The following AIM2 variants were observed in gnomAD, a reference collection of about 807,000 sequenced individuals.
AIM2 encodes absent in melanoma 2, also known as interferon-inducible protein AIM2.
AIM2 carries 30 observed loss-of-function variants against 27.7 expected under a neutral mutation model. That is an observed-to-expected ratio of 1.08 (90% CI 0.81 to 1.47). AIM2 has a LOEUF of 1.47. AIM2 is among the 40% of genes most tolerant of loss of function. The pLI, the probability that AIM2 is intolerant of heterozygous loss-of-function variation, is 0.00. For missense variants in AIM2, 358 were observed against 411.3 expected, an observed-to-expected ratio of 0.87 and a Z score of 1.12; for synonymous variants, 141 against 145.3, an observed-to-expected ratio of 0.97 and a Z score of 0.21.
intron 1 of AIM2, among the ~76,000 whole-genome samples, chr1:159,112,369 C>A (rs1050223423): frequency 1.3e-5 from 2 of 152,056 alleles, no homozygotes; most frequent in African/African-American, 4.8e-5. Context: ...CATTAGGCAC[C>A]AAAGCAATAT....
intron 1 of AIM2, among the ~76,000 whole-genome samples, chr1:159,127,098 T>C (rs970551190): frequency 1.3e-5 from 2 of 152,210 alleles, no homozygotes; most frequent in African/African-American, 4.8e-5. Flanking sequence ...CAGGGGATGA[T>C]TGGTTACCTA....
In AIM2 at chr1:159,130,952, T is replaced by C. The variant is rs1467241771; in HGVS notation, c.-16+9479A>G. ...CCACAATCTGGCTCTCGGCATTAGA[T>C]GTCAGTCTCACAGACTGCCTGGAGT... On this transcript the variant is annotated intron_variant, in intron 1 of 2. Transcript: ENST00000368129. Among the ~76,000 whole-genome samples the C allele has an allele frequency of 2.6e-5, 4 of 152,266 alleles. No homozygotes were observed. In the South Asian group the frequency reaches 6.2e-4, roughly 24 times the overall value.
intron 1 of AIM2, among the ~76,000 whole-genome samples, chr1:159,121,249 T>G (rs1176265130): frequency 6.6e-6 from 1 of 152,196 alleles, no homozygotes; most frequent in African/African-American, 2.4e-5. Flanking sequence ...AAACCATGTT[T>G]TCAATTCCAG....
intron 1 of AIM2, among the ~76,000 whole-genome samples, chr1:159,120,494 A>G (rs1171855139): frequency 6.6e-6 from 1 of 152,090 alleles, no homozygotes; most frequent in Non-Finnish European, 1.5e-5. Context: ...TTTGCTCCTA[A>G]ACTGTCGTCT....
chr1:159,058,052 GT>G (rs1339413560), downstream of AIM2, among the ~76,000 whole-genome samples: 4 of 152,124 alleles, frequency 2.6e-5, no homozygotes, highest in African/African-American at 9.7e-5. Context: ...TCTTGGACCT[GT>G]TAGAAAGTGA....
chr1:159,060,179 T>A (rs1277556193), downstream of AIM2, among the ~76,000 whole-genome samples: 1 of 152,232 alleles, frequency 6.6e-6, no homozygotes, highest in Non-Finnish European at 1.5e-5. Flanking sequence ...CTAACACTTC[T>A]GAGGACATTT....
At chr1:159,119,243 T>G (rs1448310530) in intron 1 of AIM2, among the ~76,000 whole-genome samples, 2 of 151,958 alleles carry the variant, frequency 1.3e-5, no homozygotes, top group Non-Finnish European at 2.9e-5. Context: ...TTTGAGGTTG[T>G]TTGTTACTGC....
At chr1:159,132,321 T>G (rs552460321) in intron 1 of AIM2, 1 of 152,016 alleles carries the variant, frequency 6.6e-6, no homozygotes, top group Non-Finnish European at 1.5e-5. Flanking sequence ...TCAGTGGAGA[T>G]TGCAGTGAGC....
chr1:159,076,549 T>C (rs921744606), intron 1 of AIM2, 84 bp downstream of exon 1: 1 of 152,312 alleles, frequency 6.6e-6, no homozygotes, highest in Non-Finnish European at 1.5e-5. Context: ...GTGCACAGCA[T>C]GGCTGGCCTT....
upstream of AIM2, among the ~76,000 whole-genome samples, chr1:159,143,328 A>G (rs1648146776): frequency 6.6e-6 from 1 of 152,152 alleles, no homozygotes; most frequent in East Asian, 1.9e-4. Context: ...TACGACCTAG[A>G]GATGGGAGCT....
In AIM2 at chr1:159,068,604, C is replaced by T; in HGVS notation, c.360G>A (p.Lys120=). The T allele has an allele frequency of 6.2e-7, 1 of 1,613,878 alleles. No individual in the cohort carries two copies. The highest frequency in any genetic ancestry group is 8.5e-7 in the Non-Finnish European group (1 of 1,179,870). The change falls in exon 3 of 6, where the codon AAG becomes AAA. Residue 120 remains lysine, a synonymous_variant. Transcript: ENST00000368130. ...ASAAIRNDVA[K]QRAAPKVSPH... ...GAGAGACTTTTGGTGCAGCACGTTG[C>T]TTTGCGACATCATTTCTGATGGCTG... is the stretch of plus-strand genomic sequence containing the variant.
intron 1 of AIM2, among the ~76,000 whole-genome samples, chr1:159,129,525 A>G (rs1233773606): frequency 6.6e-6 from 1 of 152,168 alleles, no homozygotes; most frequent in Non-Finnish European, 1.5e-5. Context: ...CTGGGTATCA[A>G]TGCTGTCTCC....
chr1:159,090,968 C>CT (rs1171559554), intron 1 of AIM2, among the ~76,000 whole-genome samples: 1 of 152,168 alleles, frequency 6.6e-6, no homozygotes, highest in Non-Finnish European at 1.5e-5. Flanking sequence ...TCCTGGTATT[C>CT]TTCTTCCTGA....
At chr1:159,103,312 C>T (rs1423537373) in intron 1 of AIM2, among the ~76,000 whole-genome samples, 5 of 152,188 alleles carry the variant, frequency 3.3e-5, no homozygotes, top group Non-Finnish European at 7.4e-5. Context: ...TTATAAATTA[C>T]CCAATCTTGG....
chr1:159,108,210 C>G (rs975413967), intron 1 of AIM2, among the ~76,000 whole-genome samples: 1 of 152,126 alleles, frequency 6.6e-6, no homozygotes. Flanking sequence ...ACACCACGTT[C>G]AAGTGGGTTT....
At chr1:159,110,050 A>G (rs892493719) in intron 1 of AIM2, among the ~76,000 whole-genome samples, 2 of 152,244 alleles carry the variant, frequency 1.3e-5, no homozygotes, top group Non-Finnish European at 2.9e-5. Flanking sequence ...CAGCAATCCC[A>G]CTACTGGGTA....
downstream of AIM2, among the ~76,000 whole-genome samples, chr1:159,060,763 T>A (rs1444871276): frequency 6.6e-6 from 1 of 152,228 alleles, no homozygotes; most frequent in Non-Finnish European, 1.5e-5. Flanking sequence ...ATTATGTGGA[T>A]CTACCAAAGT....
At chr1:159,132,091 T>TA (rs1213578188) in intron 1 of AIM2, among the ~76,000 whole-genome samples, 1 of 150,574 alleles carries the variant, frequency 6.6e-6, no homozygotes, top group Admixed American at 6.7e-5. Context: ...CTCACGCCTG[T>TA]AATCCCAGCA....
intron 1 of AIM2, among the ~76,000 whole-genome samples, chr1:159,132,794 A>G (rs1647925182): frequency 6.6e-6 from 1 of 152,162 alleles, no homozygotes; most frequent in Non-Finnish European, 1.5e-5. Flanking sequence ...AGTACCTCCA[A>G]ATGGGTCCTT....
Sources: gnomAD v4.1 joint callset for allele counts (sites outside exome capture counted in the v4.1 genomes callset) on GRCh38, gnomAD v4.1.1 for gene constraint, MANE v1.5 for transcripts, NCBI Gene and HGNC (gene_info 2026-07-23, HGNC 2026-07-21) for gene names.